EYS: variants seen among roughly 807,000 people sequenced by gnomAD.
EYS encodes protein eyes shut homolog.
Under a neutral mutation model 282.1 loss-of-function variants are expected in EYS, and 250 were observed. The ratio of observed to expected loss-of-function variants is 0.89; its 90% CI spans 0.80 to 0.98. The LOEUF is 0.98. Among genes scored for constraint, EYS ranks in the 50% least tolerant of loss-of-function variants. EYS has a pLI of 0.00. For missense variants in EYS, 4,016 were observed against 3,709.0 expected (o/e 1.08, Z -2.15); for synonymous variants, 1,355 against 1,282.9 (o/e 1.06, Z -1.20).
chr6:65,394,118 T>C (rs1766168867), intron 7 of EYS, among the ~76,000 whole-genome samples: 1 of 152,142 alleles, frequency 6.6e-6, no homozygotes, highest in African/African-American at 2.4e-5. Context: ...AAACTTTATT[T>C]CCTGGCTCAT....
intron 22 of EYS, among the ~76,000 whole-genome samples, chr6:64,684,002 C>T (rs1212714615): frequency 3.3e-5 from 5 of 152,304 alleles, no homozygotes; most frequent in East Asian, 1.9e-4. Context: ...TGTCCGCCTC[C>T]GCAGGTCTTT....
At chr6:64,102,353 A>G (rs1772858565) in intron 31 of EYS, among the ~76,000 whole-genome samples, 1 of 152,198 alleles carries the variant, frequency 6.6e-6, no homozygotes, top group Non-Finnish European at 1.5e-5. Context: ...GTAAATAGCT[A>G]TCATTTTCAA....
chr6:65,606,719 T>A (rs1765809554), intron 2 of EYS, among the ~76,000 whole-genome samples: 1 of 151,866 alleles, frequency 6.6e-6, no homozygotes, highest in South Asian at 2.1e-4. Flanking sequence ...AAAGTTAAAG[T>A]TATTGACTCA....
chr6:64,506,676 G>A (rs1036123976), intron 26 of EYS, among the ~76,000 whole-genome samples: 1 of 152,050 alleles, frequency 6.6e-6, no homozygotes, highest in Non-Finnish European at 1.5e-5. Context: ...ACGTTGGGAG[G>A]CCGAGGCAGG....
chr6:65,415,259 A>G (rs1767184564), intron 5 of EYS, among the ~76,000 whole-genome samples: 1 of 152,074 alleles, frequency 6.6e-6, no homozygotes, highest in Non-Finnish European at 1.5e-5. Context: ...TGGTCCCTTA[A>G]CCAGTAGAAT....
rs377467664 is a variant in EYS at position 64,168,260 on chromosome 6, C to CAATAAATA, written c.6424+62324_6424+62331dup. 9.2e-3 allele frequency among the ~76,000 whole-genome samples: 1,386 copies of CAATAAATA among 151,372 alleles called. 23 individuals carry two copies. The highest frequency in any genetic ancestry group is 0.032 in the African/African-American group (1,323 of 40,904). ...TGGGCGACAGAGCGAAACTCCATTT[C>CAATAAATA]AATAAATAAATAAATAAATAAATAA... On this transcript the variant is annotated intron_variant, in intron 31 of 42. Transcript: ENST00000503581.
intron 29 of EYS, among the ~76,000 whole-genome samples, chr6:64,312,859 T>C (rs568320436): frequency 6.6e-6 from 1 of 152,122 alleles, no homozygotes; most frequent in Non-Finnish European, 1.5e-5. Context: ...GGACGTCCAC[T>C]CAGAGACCCC....
chr6:65,353,021 C>T (rs540391200), intron 9 of EYS, among the ~76,000 whole-genome samples: 19 of 151,960 alleles, frequency 1.3e-4, no homozygotes, highest in South Asian at 1.2e-3. Context: ...TCATGGAAAC[C>T]TTTTCTGGCA....
chr6:64,008,285 A>T (rs182762870), intron 33 of EYS, among the ~76,000 whole-genome samples: 3 of 152,244 alleles, frequency 2.0e-5, no homozygotes, highest in African/African-American at 7.2e-5. Flanking sequence ...GTCTGAAATT[A>T]GAATAGCTAC....
In EYS at chr6:65,560,550, C is replaced by A. The variant is rs192213238; in HGVS notation, c.-332-64557G>T. ...TGTACGTGTGTGTATTTAAGCAAGA[C>A]TTTTACTCATTGTATAGAAAATATT... On this transcript the variant is annotated intron_variant, in intron 2 of 42. Transcript: ENST00000503581. Among the ~76,000 whole-genome samples the A allele has an allele frequency of 9.6e-4, 145 of 151,298 alleles. 1 individual carries two copies. The highest frequency in any genetic ancestry group is 3.4e-3 in the African/African-American group (139 of 41,296).
chr6:64,708,336 T>G (rs1011648139), intron 22 of EYS, among the ~76,000 whole-genome samples: 17 of 152,232 alleles, frequency 1.1e-4, no homozygotes, highest in Admixed American at 7.9e-4. Flanking sequence ...TTCAGCTTAT[T>G]TTAATAAAGC....
At chr6:64,053,663 C>T (rs533322903) in intron 33 of EYS, among the ~76,000 whole-genome samples, 1 of 152,066 alleles carries the variant, frequency 6.6e-6, no homozygotes, top group African/African-American at 2.4e-5. Context: ...CAGGTGAAGA[C>T]CAAGAAGTAT....
chr6:64,499,444 TTTTCA>T (rs2150510935), intron 26 of EYS, among the ~76,000 whole-genome samples: 1 of 152,286 alleles, frequency 6.6e-6, no homozygotes, highest in South Asian at 2.1e-4. Flanking sequence ...CCTGATTTTG[TTTTCA>T]TTTGTTTTAA....
intron 32 of EYS, among the ~76,000 whole-genome samples, chr6:64,078,369 T>C (rs796879716): frequency 3.9e-5 from 6 of 152,158 alleles, no homozygotes; most frequent in African/African-American, 1.4e-4. Flanking sequence ...TCAAAGTAAA[T>C]GCAATTATCC....
chr6:64,318,952 AC>A (rs1286116791), intron 29 of EYS, among the ~76,000 whole-genome samples: 1 of 151,910 alleles, frequency 6.6e-6, no homozygotes, highest in African/African-American at 2.4e-5. Flanking sequence ...AAAAGATACA[AC>A]CAATTATTGC....
In EYS at chr6:65,270,901, C is replaced by G. The variant is rs1340276284; in HGVS notation, c.2023+24962G>C. ...ATGATTTATGTATTATTTAAGAAAA[C>G]AGAAACTTTCTCTACCTCTCTTCTC... On this transcript the variant is annotated intron_variant, in intron 12 of 42. Coordinates refer to ENST00000503581, the MANE Select transcript of EYS (RefSeq NM_001142800.2). 2.6e-5 allele frequency among the ~76,000 whole-genome samples: 4 copies of G among 151,462 alleles called. No homozygotes were observed. In the South Asian group the frequency reaches 8.3e-4, roughly 32 times the overall value.
chr6:64,601,634 C>T (rs756230972), intron 24 of EYS, among the ~76,000 whole-genome samples: 59 of 152,036 alleles, frequency 3.9e-4, no homozygotes, highest in Non-Finnish European at 5.0e-4. Flanking sequence ...TTTCTTCACT[C>T]CCACTTTTAA....
chr6:64,390,817 A>C (rs2150427019), intron 28 of EYS, among the ~76,000 whole-genome samples: 1 of 146,642 alleles, frequency 6.8e-6, no homozygotes, highest in South Asian at 2.2e-4. Flanking sequence ...CAGACGATCA[A>C]ATTACTCTGA....
chr6:65,684,092 C>T (rs753896143), intron 1 of EYS, among the ~76,000 whole-genome samples: 8 of 151,812 alleles, frequency 5.3e-5, no homozygotes, highest in Admixed American at 3.9e-4. Context: ...TGATACTTGC[C>T]AATCAATTTT....
Sources: gnomAD v4.1 joint callset for allele counts (sites outside exome capture counted in the v4.1 genomes callset) on GRCh38, gnomAD v4.1.1 for gene constraint, MANE v1.5 for transcripts, NCBI Gene and HGNC (gene_info 2026-07-23, HGNC 2026-07-21) for gene names.